The following EBF1 variants were observed in gnomAD, a reference collection of about 807,000 sequenced individuals.
EBF1 encodes transcription factor COE1.
Under a neutral mutation model 68.4 loss-of-function variants are expected in EBF1, and 10 were observed. The observed-to-expected ratio is 0.15, with a 90% CI of 0.09 to 0.25. The LOEUF is 0.25. Among genes scored for constraint, EBF1 ranks in the 10% least tolerant of loss-of-function variants. The pLI, the probability that EBF1 is intolerant of heterozygous loss-of-function variation, is 1.00. For missense variants in EBF1, 509 were observed against 794.4 expected, an observed-to-expected ratio of 0.64 and a Z score of 4.32; for synonymous variants, 298 against 299.8, an observed-to-expected ratio of 0.99 and a Z score of 0.06.
At chr5:158,898,257 C>A (rs528988966) in intron 6 of EBF1, among the ~76,000 whole-genome samples, 46 of 152,252 alleles carry the variant, frequency 3.0e-4, no homozygotes, top group Middle Eastern at 3.4e-3. Context: ...AGGTGCTCTC[C>A]TTTTACCAAT....
chr5:158,933,099 C>T (rs1811237504), intron 6 of EBF1, among the ~76,000 whole-genome samples: 1 of 151,732 alleles, frequency 6.6e-6, no homozygotes, highest in Admixed American at 6.6e-5. Context: ...TTTTTTTCTT[C>T]CTAATCAGTG....
intron 6 of EBF1, among the ~76,000 whole-genome samples, chr5:159,064,641 G>A (rs1776442580): frequency 6.6e-6 from 1 of 152,144 alleles, no homozygotes; most frequent in African/African-American, 2.4e-5. Context: ...TTCAGATGCT[G>A]GTCTTCACGA....
At chr5:158,983,729 C>A (rs1450362214) in intron 6 of EBF1, 3 of 152,138 alleles carry the variant, frequency 2.0e-5, no homozygotes, top group African/African-American at 4.8e-5. Context: ...AATGCTACCA[C>A]ATGGGTGGGA....
chr5:158,819,615 G>C (rs1330170528), intron 8 of EBF1, among the ~76,000 whole-genome samples: 1 of 152,340 alleles, frequency 6.6e-6, no homozygotes, highest in South Asian at 2.1e-4. Context: ...GACAAGGCAA[G>C]TACACAGGGT....
At chr5:158,760,628 C>T (rs946323764) in intron 10 of EBF1, among the ~76,000 whole-genome samples, 4 of 152,022 alleles carry the variant, frequency 2.6e-5, no homozygotes, top group South Asian at 4.2e-4. Context: ...TGTAACAAGG[C>T]GATAGTATCT....
At chr5:158,822,152 C>T (rs1784978028) in intron 8 of EBF1, among the ~76,000 whole-genome samples, 2 of 152,080 alleles carry the variant, frequency 1.3e-5, no homozygotes. Flanking sequence ...CCCTAGCAAA[C>T]TGGAAAGGGA....
intron 6 of EBF1, among the ~76,000 whole-genome samples, chr5:159,006,159 C>T (rs1240324082): frequency 1.3e-5 from 2 of 152,136 alleles, no homozygotes; most frequent in Non-Finnish European, 2.9e-5. Flanking sequence ...AAAACGCAGA[C>T]CTTCAGAGAG....
At chr5:158,965,203 C>T in intron 6 of EBF1, among the ~76,000 whole-genome samples, 1 of 152,174 alleles carries the variant, frequency 6.6e-6, no homozygotes. Flanking sequence ...GATCCACCTC[C>T]ATATTATACG....
chr5:158,923,324 C>G (rs776671283), intron 6 of EBF1, among the ~76,000 whole-genome samples: 37 of 152,208 alleles, frequency 2.4e-4, no homozygotes, highest in Non-Finnish European at 4.6e-4. Flanking sequence ...ATCTCCTCCT[C>G]TCTCTCCTTC....
intron 6 of EBF1, among the ~76,000 whole-genome samples, chr5:158,871,241 C>A (rs1163132530): frequency 6.6e-6 from 1 of 152,208 alleles, no homozygotes; most frequent in Non-Finnish European, 1.5e-5. Context: ...TTCTGACATG[C>A]AGATTGCTGC....
chr5:158,929,443 C>T (rs752510010), intron 6 of EBF1, among the ~76,000 whole-genome samples: 12 of 152,144 alleles, frequency 7.9e-5, no homozygotes, highest in African/African-American at 2.9e-4. Flanking sequence ...ATTCCCTATA[C>T]GAAGAAGTCC....
Position 158,698,125 on chromosome 5 carries a change from G to A in EBF1, c.*986C>T, listed in dbSNP as rs1410941951. The A allele has an allele frequency of 4.6e-6, 1 of 219,758 alleles. No homozygotes were observed. The highest frequency in any genetic ancestry group is 6.6e-5 in the East Asian group (1 of 15,168). The allele number at this position is 219,758 out of a possible 1,614,324, so 13.6% of individuals were successfully genotyped here. A position where few individuals can be genotyped will look rare whatever the true frequency, so the allele number is the denominator to read the frequency against. Reference sequence around the variant, plus strand: ...TCAACTTTTGGAAGATAGGTATGAAGTCTGCATTTAGGACGAGTAAACTTT... The same window carrying A: ...TCAACTTTTGGAAGATAGGTATGAAATCTGCATTTAGGACGAGTAAACTTT... On this transcript the variant is annotated 3_prime_UTR_variant, in exon 16 of 16. Coordinates refer to ENST00000313708, the MANE Select transcript of EBF1 (RefSeq NM_024007.5).
intron 6 of EBF1, among the ~76,000 whole-genome samples, chr5:158,998,635 AT>A (rs1283542792): frequency 6.6e-6 from 1 of 152,190 alleles, no homozygotes; most frequent in Non-Finnish European, 1.5e-5. Context: ...CCTTATTGTC[AT>A]TTACTTAATA....
At chr5:158,724,028 G>T (rs1762469045) in intron 11 of EBF1, among the ~76,000 whole-genome samples, 1 of 152,100 alleles carries the variant, frequency 6.6e-6, no homozygotes, top group Non-Finnish European at 1.5e-5. Context: ...AGTAGTAGTG[G>T]ATACCAAGCC....
chr5:158,830,525 T>C (rs35168311), intron 7 of EBF1, among the ~76,000 whole-genome samples: 80,232 of 151,964 alleles, frequency 0.53, 22,288 homozygotes, highest in South Asian at 0.7. Flanking sequence ...CATCTCGGCC[T>C]CCCAAAAGTG....
chr5:158,811,750 C>T (rs751995317), intron 8 of EBF1, among the ~76,000 whole-genome samples: 7 of 152,172 alleles, frequency 4.6e-5, no homozygotes, highest in Non-Finnish European at 1.0e-4. Context: ...AATGGAACCA[C>T]ATCTCAAAGT....
intron 5 of EBF1, among the ~76,000 whole-genome samples, chr5:159,076,372 C>T (rs981848580): frequency 1.3e-5 from 2 of 152,110 alleles, no homozygotes; most frequent in East Asian, 3.9e-4. Context: ...CATCCCAACC[C>T]GTAGAACAAA....
intron 5 of EBF1, among the ~76,000 whole-genome samples, chr5:159,076,664 C>T (rs1471244765): frequency 1.3e-5 from 2 of 152,154 alleles, no homozygotes; most frequent in African/African-American, 4.8e-5. Flanking sequence ...AAAATAAGCC[C>T]AACATGTCTC....
At chr5:158,705,854 C>G (rs1295438463) in intron 15 of EBF1, among the ~76,000 whole-genome samples, 1 of 152,188 alleles carries the variant, frequency 6.6e-6, no homozygotes, top group Non-Finnish European at 1.5e-5. Flanking sequence ...TAGTGGGGGC[C>G]TTTTCTTCTC....
Sources: gnomAD v4.1 joint callset for allele counts (sites outside exome capture counted in the v4.1 genomes callset) on GRCh38, gnomAD v4.1.1 for gene constraint, MANE v1.5 for transcripts, NCBI Gene and HGNC (gene_info 2026-07-23, HGNC 2026-07-21) for gene names.